Variants in B4GALNT3 observed in about 807,000 individuals in gnomAD.
The protein encoded by B4GALNT3 is beta-1,4-N-acetyl-galactosaminyltransferase 3, also known as beta-1,4-N-acetylgalactosaminyltransferase 3.
A neutral mutation model predicts 120.2 loss-of-function variants in B4GALNT3; 86 were observed. That is an observed-to-expected ratio of 0.72 (90% CI 0.60 to 0.86). The LOEUF (loss-of-function observed/expected upper bound fraction) is 0.86. B4GALNT3 is among the 40% of genes least tolerant of loss of function. The pLI is 0.00. For missense variants in B4GALNT3, 1,167 were observed against 1,298.9 expected (o/e 0.90, Z 1.56); for synonymous variants, 518 against 510.4 (o/e 1.01, Z -0.20).
chr12:494,741 C>G (rs965687315), intron 1 of B4GALNT3, among the ~76,000 whole-genome samples: 1 of 151,982 alleles, frequency 6.6e-6, no homozygotes, highest in East Asian at 1.9e-4. Context: ...CAATGCACAC[C>G]AAAAACTGGA....
chr12:529,050 C>T (rs1946782391), intron 1 of B4GALNT3, among the ~76,000 whole-genome samples: 1 of 152,106 alleles, frequency 6.6e-6, no homozygotes, highest in African/African-American at 2.4e-5. Context: ...TACATGGAAC[C>T]AGCCCTCCCA....
intron 1 of B4GALNT3, among the ~76,000 whole-genome samples, chr12:515,993 A>C (rs963739667): frequency 1.4e-4 from 20 of 147,346 alleles, no homozygotes; most frequent in African/African-American, 3.2e-4. Flanking sequence ...CACACACACA[A>C]AAATTAGCCA....
chr12:510,648 C>A (rs186081456), intron 1 of B4GALNT3, among the ~76,000 whole-genome samples: 1 of 125,938 alleles, frequency 7.9e-6, no homozygotes, highest in Non-Finnish European at 1.7e-5. Flanking sequence ...GAGGGAGGGG[C>A]GGGGCAAACC....
intron 1 of B4GALNT3, among the ~76,000 whole-genome samples, chr12:532,165 G>A (rs1056559426): frequency 1.3e-5 from 2 of 152,138 alleles, no homozygotes; most frequent in African/African-American, 2.4e-5. Flanking sequence ...CATGAGGACT[G>A]CAAAGGAATT....
At chr12:481,921 A>G (rs1390967277) in intron 1 of B4GALNT3, among the ~76,000 whole-genome samples, 1 of 152,064 alleles carries the variant, frequency 6.6e-6, no homozygotes, top group Non-Finnish European at 1.5e-5. Flanking sequence ...TGTAGACCAG[A>G]AAACATTGAT....
chr12:561,538 T>C lies in B4GALNT3; in HGVS notation c.*87T>C. On this transcript the variant is annotated 3_prime_UTR_variant, in exon 20 of 20. Transcript: ENST00000266383. ...CCTGCTACTGTTCAGGGATGGGGAG[T>C]GGGGTGACGGCTGGACCCCAAGAGG... is the stretch of plus-strand genomic sequence containing the variant. 9.0e-7 allele frequency: 1 copy of C among 1,106,458 alleles called. No individual in the cohort carries two copies. The highest frequency in any genetic ancestry group is 1.3e-6 in the Non-Finnish European group (1 of 765,060). The allele number at this position is 1,106,458 out of a possible 1,614,324, so 68.5% of individuals were successfully genotyped here. A position where few individuals can be genotyped will look rare whatever the true frequency, so the allele number is the denominator to read the frequency against.
intron 1 of B4GALNT3, among the ~76,000 whole-genome samples, chr12:500,917 G>T (rs1430485630): frequency 8.9e-6 from 1 of 112,984 alleles, no homozygotes; most frequent in Non-Finnish European, 1.7e-5. Flanking sequence ...ACCCAGGCTG[G>T]AGTGCAGTGG....
chr12:460,550 G>A lies in B4GALNT3; in HGVS notation c.169+5G>A. ...GCGGGAACCCCCTGAACCGGAGTAA[G>A]TAGCACCCAGGGGAGGCGAAGGGCG... On this transcript the variant is annotated splice_donor_5th_base_variant and intron_variant, in intron 1 of 19. Transcript: ENST00000266383. The surrounding 1 kb of genome is among the most constrained non-coding windows in gnomAD (Gnocchi z 8.0). The A allele has an allele frequency of 6.8e-7, 1 of 1,472,558 alleles. No individual in the cohort carries two copies. Among genetic ancestry groups the A allele is most frequent in the Non-Finnish European group, 9.1e-7 (1 of 1,102,712 alleles). The allele number at this position is 1,472,558 out of a possible 1,614,324, so 91.2% of individuals were successfully genotyped here. A position where few individuals can be genotyped will look rare whatever the true frequency, so the allele number is the denominator to read the frequency against.
chr12:524,673 A>C (rs1946745192), intron 1 of B4GALNT3, among the ~76,000 whole-genome samples: 2 of 152,136 alleles, frequency 1.3e-5, no homozygotes, highest in Admixed American at 6.6e-5. Flanking sequence ...AAAAGAAAAC[A>C]AACGAGTTAA....
At chr12:496,015 T>A (rs1946384369) in intron 1 of B4GALNT3, among the ~76,000 whole-genome samples, 1 of 152,218 alleles carries the variant, frequency 6.6e-6, no homozygotes, top group Non-Finnish European at 1.5e-5. Context: ...TGTATTCCAA[T>A]ACACTTTCTT....
chr12:534,433 C>T (rs1946837958), intron 1 of B4GALNT3, among the ~76,000 whole-genome samples: 1 of 152,188 alleles, frequency 6.6e-6, no homozygotes. Context: ...AGCCCCTTGC[C>T]TCCTGACTTG....
At chr12:489,738 C>G (rs1946324475) in intron 1 of B4GALNT3, among the ~76,000 whole-genome samples, 1 of 152,182 alleles carries the variant, frequency 6.6e-6, no homozygotes, top group African/African-American at 2.4e-5. Context: ...CATAATTGAA[C>G]TTAACAGCAC....
chr12:559,543 G>C, intron 19 of B4GALNT3, 122 bp downstream of exon 19: 1 of 1,408,850 alleles, frequency 7.1e-7, no homozygotes. Context: ...ACAGTAAAGA[G>C]CACTGGACTC....
chr12:490,758 C>T (rs1215971842), intron 1 of B4GALNT3, among the ~76,000 whole-genome samples: 1 of 151,540 alleles, frequency 6.6e-6, no homozygotes, highest in East Asian at 1.9e-4. Flanking sequence ...GACAACTCTA[C>T]ACCCCAAAAT....
At position 553,365 on chromosome 12, in the gene B4GALNT3, A is replaced by G. The variant is rs1947106797; in HGVS notation, c.1442A>G (p.Gln481Arg). The G allele has an allele frequency of 1.2e-6, 2 of 1,613,682 alleles. No individual in the cohort carries two copies. The highest frequency in any genetic ancestry group is 1.1e-5 in the South Asian group (1 of 91,088). ...CGAAGCCTGCGGAAACTCCTGGCTC[A>G]GCCCCGGGAGGGCCTGCTGGCCCCC... ...RLRSLRKLLAQPREGLLAPFS... is the reference protein window; with the variant it reads ...RLRSLRKLLARPREGLLAPFS... Residue 481 changes from glutamine (Q) to arginine (R), a missense_variant, in exon 14 of 20, where the codon CAG (glutamine) becomes CGG (arginine). Coordinates refer to ENST00000266383, the MANE Select transcript of B4GALNT3 (RefSeq NM_173593.4).
At chr12:539,652 C>T (rs952834947) in intron 3 of B4GALNT3, among the ~76,000 whole-genome samples, 4 of 152,142 alleles carry the variant, frequency 2.6e-5, no homozygotes, top group Non-Finnish European at 4.4e-5. Flanking sequence ...GTGGCTCACA[C>T]CTGTAATGCT....
At chr12:483,521 A>T (rs917593224) in intron 1 of B4GALNT3, among the ~76,000 whole-genome samples, 1 of 152,096 alleles carries the variant, frequency 6.6e-6, no homozygotes, top group African/African-American at 2.4e-5. Flanking sequence ...ACATGGTGAA[A>T]CCCCCTCTCT....
At position 563,014 on chromosome 12, in the gene B4GALNT3, G is replaced by A. The variant is rs1027965635; in HGVS notation, c.*1563G>A. The A allele has an allele frequency of 1.3e-4, 20 of 152,308 alleles. No individual in the cohort carries two copies. The highest frequency in any genetic ancestry group is 4.8e-4 in the African/African-American group (20 of 41,442). 9.4% of individuals were successfully genotyped at this position (152,308 alleles called of 1,614,324 possible). ...GGCACATGGGAGAATGGAGCCCGTG[G>A]AGAACCTTCTGGGGGGTCGGGGAGA... On this transcript the variant is annotated 3_prime_UTR_variant, in exon 20 of 20. Transcript: ENST00000266383.
At chr12:542,256 T>A (rs1225258994) in intron 3 of B4GALNT3, among the ~76,000 whole-genome samples, 1 of 152,074 alleles carries the variant, frequency 6.6e-6, no homozygotes, top group African/African-American at 2.4e-5. Flanking sequence ...TCTTTCTGGA[T>A]CCAGCATTGA....
Sources: allele counts gnomAD v4.1 joint callset (sites outside exome capture counted in the v4.1 genomes callset), GRCh38; gene constraint gnomAD v4.1.1; non-coding constraint Gnocchi (gnomAD v3.1); transcripts MANE v1.5; gene names NCBI Gene and HGNC (gene_info 2026-07-23, HGNC 2026-07-21).